The following QKI variants were observed in gnomAD, a reference collection of about 807,000 sequenced individuals.
QKI encodes KH domain-containing RNA-binding protein QKI.
A neutral mutation model predicts 39.0 loss-of-function variants in QKI; 10 were observed. That is an observed-to-expected ratio of 0.26 (90% CI 0.16 to 0.43). The LOEUF is 0.43. Ranked by LOEUF, QKI falls within the 20% of genes least tolerant of loss-of-function variation. The probability of loss-of-function intolerance (pLI) is 1.00; values close to 1 mark genes in which losing one functional copy is unlikely to be tolerated. For missense variants in QKI, 218 were observed against 428.0 expected (o/e 0.51, Z 4.33); for synonymous variants, 204 against 155.4 (o/e 1.31, Z -2.33).
intron 7 of QKI, chr6:163,568,726 C>G (rs1783523321): frequency 1.0e-6 from 1 of 985,264 alleles, no homozygotes; most frequent in Non-Finnish European, 1.2e-6. Flanking sequence ...CCATGTAATT[C>G]TATATGAACG....
intron 3 of QKI, among the ~76,000 whole-genome samples, chr6:163,531,458 G>A (rs1414046811): frequency 6.6e-6 from 1 of 152,190 alleles, no homozygotes; most frequent in Non-Finnish European, 1.5e-5. Context: ...GCTTTTTAAT[G>A]AGAGTTCATC....
intron 1 of QKI, among the ~76,000 whole-genome samples, chr6:163,444,559 G>A (rs1269991698): frequency 1.6e-5 from 2 of 123,918 alleles, no homozygotes; most frequent in East Asian, 2.5e-4. Flanking sequence ...AATCTAAAAC[G>A]TATAGATAAA....
At chr6:163,500,575 G>A (rs1402164598) in intron 3 of QKI, among the ~76,000 whole-genome samples, 1 of 152,086 alleles carries the variant, frequency 6.6e-6, no homozygotes, top group African/African-American at 2.4e-5. Flanking sequence ...TCAATGAAAT[G>A]TGGACATAAT....
intron 3 of QKI, among the ~76,000 whole-genome samples, chr6:163,531,405 T>A (rs989971249): frequency 2.0e-5 from 3 of 152,150 alleles, no homozygotes; most frequent in African/African-American, 7.2e-5. Flanking sequence ...AGGGAGTGCT[T>A]GATAGCTAGC....
rs1783679218 is a variant in QKI at position 163,571,111 on chromosome 6, T to G, written c.*401T>G. 6.3e-6 allele frequency: 1 copy of G among 159,902 alleles called. No individual in the cohort carries two copies. The highest frequency in any genetic ancestry group is 2.0e-4 in the South Asian group (1 of 4,970). 9.9% of individuals were successfully genotyped at this position (159,902 alleles called of 1,614,324 possible). ...TTACTGTGAGAGACTTCTAGGAATC[T>G]TTTTCTTCTCATAGCGAAGTCAAAG... On this transcript the variant is annotated 3_prime_UTR_variant, in exon 8 of 8. Transcript: ENST00000361752.
At chr6:163,553,166 C>T (rs758217548) in intron 4 of QKI, among the ~76,000 whole-genome samples, 39 of 150,596 alleles carry the variant, frequency 2.6e-4, no homozygotes, top group Non-Finnish European at 5.0e-4. Flanking sequence ...TGCAATGGCA[C>T]GATCTCGGCT....
chr6:163,466,169 AAAG>A (rs1017884860), intron 2 of QKI, among the ~76,000 whole-genome samples: 3 of 152,178 alleles, frequency 2.0e-5, no homozygotes, highest in African/African-American at 7.2e-5. Flanking sequence ...ATAGCATCGG[AAAG>A]AATAATATAA....
chr6:163,503,561 CTTTAG>C (rs1778914869), intron 3 of QKI, among the ~76,000 whole-genome samples: 1 of 151,998 alleles, frequency 6.6e-6, no homozygotes, highest in Non-Finnish European at 1.5e-5. Flanking sequence ...TGCGGAAACT[CTTTAG>C]TTTAATTAAG....
chr6:163,418,356 G>C (rs1256966288), intron 1 of QKI, among the ~76,000 whole-genome samples: 3 of 152,150 alleles, frequency 2.0e-5, no homozygotes, highest in African/African-American at 7.2e-5. Context: ...GATTAAGTGT[G>C]CTGGTTTTCC....
At chr6:163,533,152 A>T (rs1473769683) in intron 3 of QKI, among the ~76,000 whole-genome samples, 1 of 152,088 alleles carries the variant, frequency 6.6e-6, no homozygotes, top group Non-Finnish European at 1.5e-5. Context: ...AAAAAAAGAT[A>T]AATAAAAAAT....
intron 3 of QKI, among the ~76,000 whole-genome samples, chr6:163,494,637 G>T (rs1258152705): frequency 6.7e-6 from 1 of 149,228 alleles, no homozygotes; most frequent in South Asian, 2.1e-4. Context: ...GGTCTGCTTA[G>T]TGTCACGTTT....
At position 163,576,207 on chromosome 6, in the gene QKI, A is replaced by T. The variant is rs1314571425; in HGVS notation, c.*5497A>T. 1 of 152,158 alleles carries T rather than the reference A, an allele frequency of 6.6e-6. No individual in the cohort carries two copies. The highest frequency in any genetic ancestry group is 6.6e-5 in the Admixed American group (1 of 15,258). The allele number at this position is 152,158 out of a possible 1,614,324, so 9.4% of individuals were successfully genotyped here. A position where few individuals can be genotyped will look rare whatever the true frequency, so the allele number is the denominator to read the frequency against. ...ATTGAGATGCCTTTGATATGAAGAG[A>T]TTTACCAACATTATATGCACTCGTG... On this transcript the variant is annotated 3_prime_UTR_variant, in exon 8 of 8. Coordinates refer to ENST00000361752, the MANE Select transcript of QKI (RefSeq NM_006775.3).
At chr6:163,530,320 G>A (rs572730251) in intron 3 of QKI, among the ~76,000 whole-genome samples, 3 of 152,236 alleles carry the variant, frequency 2.0e-5, no homozygotes, top group South Asian at 2.1e-4. Flanking sequence ...TTGTCCTGAT[G>A]TATTTAAGTG....
At chr6:163,570,314 A>G in intron 7 of QKI, 1 of 981,660 alleles carries the variant, frequency 1.0e-6, no homozygotes, top group Non-Finnish European at 1.2e-6. Context: ...TCAGATACTG[A>G]TAACTGCACT....
intron 3 of QKI, among the ~76,000 whole-genome samples, chr6:163,517,422 G>T (rs368746083): frequency 1.7e-4 from 26 of 149,926 alleles, no homozygotes; most frequent in South Asian, 1.3e-3. Flanking sequence ...TTTTTGTTTT[G>T]GTTTTGGTTT....
At position 163,548,508 on chromosome 6, in the gene QKI, C is replaced by A. The variant is rs1583202453; in HGVS notation, c.546+13383C>A. ...TGGTCATACACATACGTAAGCCTAC[C>A]CAAAACTATTAAATTTTACACTTTA... is the stretch of plus-strand genomic sequence containing the variant. On this transcript the variant is annotated intron_variant, in intron 4 of 7. Coordinates refer to ENST00000361752, the MANE Select transcript of QKI (RefSeq NM_006775.3). Among the ~76,000 whole-genome samples the A allele has an allele frequency of 1.3e-5, 2 of 152,132 alleles. 1 individual carries two copies. The highest frequency in any genetic ancestry group is 4.2e-4 in the South Asian group (2 of 4,808).
At chr6:163,452,012 A>G (rs1218671617) in intron 1 of QKI, among the ~76,000 whole-genome samples, 1 of 152,216 alleles carries the variant, frequency 6.6e-6, no homozygotes, top group Non-Finnish European at 1.5e-5. Flanking sequence ...AGGATTATGG[A>G]GAAAAAGAAT....
At chr6:163,446,623 A>C (rs1790174866) in intron 1 of QKI, among the ~76,000 whole-genome samples, 1 of 152,356 alleles carries the variant, frequency 6.6e-6, no homozygotes, top group Middle Eastern at 3.4e-3. Flanking sequence ...CGACATGACC[A>C]GAAGACCACA....
chr6:163,515,273 A>G (rs541364280), intron 3 of QKI, among the ~76,000 whole-genome samples: 3 of 152,296 alleles, frequency 2.0e-5, no homozygotes, highest in South Asian at 2.1e-4. Flanking sequence ...GTCAGTGTAA[A>G]TAGACACAGA....
Sources: gnomAD v4.1 joint callset for allele counts (sites outside exome capture counted in the v4.1 genomes callset) on GRCh38, gnomAD v4.1.1 for gene constraint, MANE v1.5 for transcripts, NCBI Gene and HGNC (gene_info 2026-07-23, HGNC 2026-07-21) for gene names.